The following ARK2C variants were observed in gnomAD, a reference collection of about 807,000 sequenced individuals.
The protein encoded by ARK2C is arkadia (RNF111) C-terminal like ring finger ubiquitin ligase 2C, also known as E3 ubiquitin-protein ligase ARK2C.
At chr18:46,412,527 G>A in the ARK2C span, among the ~76,000 whole-genome samples, 2 of 152,240 alleles carry the variant, frequency 1.3e-5, no homozygotes, top group African/African-American at 2.4e-5. Context: ...GCAGCCCAGG[G>A]TAGTGGGAGG....
the ARK2C span, among the ~76,000 whole-genome samples, chr18:46,392,970 A>G: frequency 0.015 from 2,309 of 152,198 alleles, 52 homozygotes; most frequent in African/African-American, 0.053. Context: ...ACCACCCTGG[A>G]AGGGAAATCG....
chr18:46,386,602 C>G, the ARK2C span: 2 of 152,236 alleles, frequency 1.3e-5, no homozygotes, highest in African/African-American at 4.8e-5. Flanking sequence ...ATCCATCATT[C>G]CATCCGGCAG....
chr18:46,391,526 C>G, the ARK2C span, among the ~76,000 whole-genome samples: 1 of 152,140 alleles, frequency 6.6e-6, no homozygotes, highest in Non-Finnish European at 1.5e-5. Context: ...GCCCCATGTT[C>G]TGTGGGAAGC....
At chr18:46,354,811 G>A in the ARK2C span, among the ~76,000 whole-genome samples, 1 of 152,246 alleles carries the variant, frequency 6.6e-6, no homozygotes, top group African/African-American at 2.4e-5. Context: ...CATTCATTTT[G>A]TGTGTGCTCC....
At chr18:46,402,374 G>A in the ARK2C span, among the ~76,000 whole-genome samples, 2 of 152,168 alleles carry the variant, frequency 1.3e-5, no homozygotes, top group Non-Finnish European at 2.9e-5. Flanking sequence ...ATAAAATACA[G>A]GATGCCCAGT....
chr18:46,432,695 C>A, the ARK2C span, among the ~76,000 whole-genome samples: 1 of 152,230 alleles, frequency 6.6e-6, no homozygotes, highest in South Asian at 2.1e-4. Flanking sequence ...CGGTGGCTCA[C>A]GCCTGTAATC....
At chr18:46,441,119 G>A in the ARK2C span, among the ~76,000 whole-genome samples, 8 of 152,290 alleles carry the variant, frequency 5.3e-5, no homozygotes, top group East Asian at 1.5e-3. Flanking sequence ...CCAAGTAGCT[G>A]GGACTACAGG....
chr18:46,345,408 A>G, the ARK2C span, among the ~76,000 whole-genome samples: 5 of 152,158 alleles, frequency 3.3e-5, no homozygotes, highest in Admixed American at 6.5e-5. Flanking sequence ...AAGGTCCCTG[A>G]CAAGTCTCAG....
At chr18:46,382,576 C>G in the ARK2C span, among the ~76,000 whole-genome samples, 1 of 152,188 alleles carries the variant, frequency 6.6e-6, no homozygotes, top group Non-Finnish European at 1.5e-5. Context: ...CCCTACCTGC[C>G]CCATGAATCT....
chr18:46,391,159 C>T, the ARK2C span, among the ~76,000 whole-genome samples: 1 of 152,150 alleles, frequency 6.6e-6, no homozygotes, highest in Non-Finnish European at 1.5e-5. Flanking sequence ...TTCGCCACTT[C>T]GCAATTCATC....
the ARK2C span, among the ~76,000 whole-genome samples, chr18:46,444,293 G>C: frequency 2.0e-5 from 3 of 151,870 alleles, no homozygotes; most frequent in Admixed American, 2.0e-4. Flanking sequence ...TGAATTTATA[G>C]TTTTTATTAA....
the ARK2C span, chr18:46,433,606 T>A: frequency 1.8e-6 from 2 of 1,085,696 alleles, no homozygotes; most frequent in South Asian, 1.7e-5. Flanking sequence ...GGCCCGGGTG[T>A]GGCGGAGACG....
the ARK2C span, among the ~76,000 whole-genome samples, chr18:46,425,207 C>T: frequency 2.0e-5 from 3 of 152,144 alleles, no homozygotes; most frequent in Non-Finnish European, 2.9e-5. Flanking sequence ...GGCGGGAACT[C>T]GGGCTTCCGG....
the ARK2C span, chr18:46,447,455 G>A: frequency 4.9e-6 from 6 of 1,212,230 alleles, no homozygotes; most frequent in Non-Finnish European, 6.0e-6. Flanking sequence ...TTGCAGCTCT[G>A]GCAGGGTGTC....
chr18:46,337,331 T>C, the ARK2C span: 1 of 985,292 alleles, frequency 1.0e-6, no homozygotes, highest in Non-Finnish European at 1.2e-6. Flanking sequence ...TGGGTAATTT[T>C]TTCTGTATCA....
chr18:46,347,987 G>A, the ARK2C span, among the ~76,000 whole-genome samples: 5 of 152,210 alleles, frequency 3.3e-5, no homozygotes, highest in East Asian at 1.9e-4. Context: ...AGATGCTCAC[G>A]TAGCACTTAC....
At chr18:46,423,295 G>C in the ARK2C span, among the ~76,000 whole-genome samples, 1 of 152,122 alleles carries the variant, frequency 6.6e-6, no homozygotes, top group Non-Finnish European at 1.5e-5. Flanking sequence ...GGGGCTATTG[G>C]CCAAGGCAAA....
the ARK2C span, among the ~76,000 whole-genome samples, chr18:46,451,668 G>A: frequency 6.6e-6 from 1 of 152,124 alleles, no homozygotes; most frequent in Non-Finnish European, 1.5e-5. Context: ...AAAAGTTCAT[G>A]GTGGTATGAA....
chr18:46,442,392 A>G, the ARK2C span, among the ~76,000 whole-genome samples: 3 of 152,292 alleles, frequency 2.0e-5, no homozygotes, highest in African/African-American at 7.2e-5. Flanking sequence ...TCTAGTTAGC[A>G]TTATGAATTC....
Sources: allele counts gnomAD v4.1 joint callset (sites outside exome capture counted in the v4.1 genomes callset), GRCh38; gene constraint gnomAD v4.1.1; transcripts MANE v1.5; gene names NCBI Gene and HGNC (gene_info 2026-07-23, HGNC 2026-07-21).